The following ZNHIT6 variants were observed in gnomAD, a reference collection of about 807,000 sequenced individuals.
The protein encoded by ZNHIT6 is zinc finger HIT-type containing 6.
Under a neutral mutation model 57.2 loss-of-function variants are expected in ZNHIT6, and 45 were observed. The ratio of observed to expected loss-of-function variants is 0.79; its 90% CI spans 0.62 to 1.01. The LOEUF is 1.01. Ranked by LOEUF, ZNHIT6 falls within the 50% of genes least tolerant of loss-of-function variation. The pLI is 0.00. For synonymous variants in ZNHIT6, 188 were observed against 190.0 expected (o/e 0.99, Z 0.09); for missense variants, 528 against 567.3 (o/e 0.93, Z 0.70).
At chr1:85,664,483 C>T (rs1190771012) in intron 8 of ZNHIT6, among the ~76,000 whole-genome samples, 1 of 152,144 alleles carries the variant, frequency 6.6e-6, no homozygotes, top group African/African-American at 2.4e-5. Context: ...TGGATTGGGG[C>T]TTGCCATTCT....
At position 85,650,044 on chromosome 1, in the gene ZNHIT6, C is replaced by T. The variant is rs554796131; in HGVS notation, c.*4014G>A. On this transcript the variant is annotated 3_prime_UTR_variant, in exon 10 of 10. Transcript: ENST00000370574. ...CAGGGTGCAATGAATGTGTTACTTTCGTATTCCCAGTAACTACCTTTCCTC... is the reference window on the plus strand; with the variant it reads ...CAGGGTGCAATGAATGTGTTACTTTTGTATTCCCAGTAACTACCTTTCCTC... 3 of 152,178 alleles carry T rather than the reference C, an allele frequency of 2.0e-5. No homozygotes were observed. The highest frequency in any genetic ancestry group is 2.1e-4 in the South Asian group (1 of 4,834). 9.4% of individuals were successfully genotyped at this position (152,178 alleles called of 1,614,324 possible).
chr1:85,663,966 G>C (rs1661293953), intron 8 of ZNHIT6, among the ~76,000 whole-genome samples: 2 of 152,032 alleles, frequency 1.3e-5, no homozygotes, highest in Admixed American at 6.6e-5. Context: ...CTTCTCTCTA[G>C]CTGCTTTTCA....
chr1:85,699,950 C>T (rs115291454), intron 5 of ZNHIT6, among the ~76,000 whole-genome samples: 3,115 of 151,990 alleles, frequency 0.02, 110 homozygotes, highest in African/African-American at 0.07. Flanking sequence ...GAAAATCTAG[C>T]TGCAGGAAAA....
chr1:85,690,974 C>T (rs923812165), intron 5 of ZNHIT6, among the ~76,000 whole-genome samples: 7 of 152,064 alleles, frequency 4.6e-5, no homozygotes, highest in Non-Finnish European at 7.4e-5. Flanking sequence ...TGCAGTGAGC[C>T]GAGATCGTGC....
intron 5 of ZNHIT6, among the ~76,000 whole-genome samples, chr1:85,690,194 A>G (rs1662176890): frequency 6.6e-6 from 1 of 152,138 alleles, no homozygotes; most frequent in South Asian, 2.1e-4. Flanking sequence ...TCAGATATGG[A>G]TCACTCGTAC....
chr1:85,687,565 A>G (rs1662099200), intron 5 of ZNHIT6, among the ~76,000 whole-genome samples: 1 of 152,146 alleles, frequency 6.6e-6, no homozygotes, highest in African/African-American at 2.4e-5. Context: ...AAGGGCTTAC[A>G]GGGAGATTCA....
At chr1:85,672,676 G>A (rs1570299561) in intron 8 of ZNHIT6, among the ~76,000 whole-genome samples, 1 of 151,458 alleles carries the variant, frequency 6.6e-6, no homozygotes, top group Admixed American at 6.6e-5. Flanking sequence ...CAACAGAACT[G>A]TATTTTATTC....
intron 8 of ZNHIT6, among the ~76,000 whole-genome samples, chr1:85,670,928 C>T (rs1274587544): frequency 6.6e-6 from 1 of 152,186 alleles, no homozygotes; most frequent in Non-Finnish European, 1.5e-5. Context: ...CATTTGTTGA[C>T]TGCTTACTCG....
intron 8 of ZNHIT6, among the ~76,000 whole-genome samples, chr1:85,671,161 T>A (rs1661546696): frequency 6.6e-6 from 1 of 152,194 alleles, no homozygotes; most frequent in Admixed American, 6.5e-5. Context: ...GTTCCTGAAA[T>A]CTCTCATATT....
chr1:85,651,274 A>C lies in ZNHIT6; in HGVS notation c.*2784T>G, dbSNP rs1660900071. On this transcript the variant is annotated 3_prime_UTR_variant, in exon 10 of 10. Coordinates refer to ENST00000370574, the MANE Select transcript of ZNHIT6 (RefSeq NM_017953.4). The stretch of plus-strand genomic sequence containing the variant: ...GAGGCAGAGTCTCATTCTGTCACCC[A>C]GGCAGTGCCCAGGAATGCAGTGGAA... 2 of 151,820 alleles carry C rather than the reference A, an allele frequency of 1.3e-5. No individual in the cohort carries two copies. Among genetic ancestry groups the C allele is most frequent in the Non-Finnish European group, 2.9e-5 (2 of 67,982 alleles). 9.4% of individuals were successfully genotyped at this position (151,820 alleles called of 1,614,324 possible). A position where few individuals can be genotyped will look rare whatever the true frequency, so the allele number is the denominator to read the frequency against.
chr1:85,691,152 C>T (rs1273232625), intron 5 of ZNHIT6, among the ~76,000 whole-genome samples: 3 of 152,218 alleles, frequency 2.0e-5, no homozygotes, highest in South Asian at 4.1e-4. Flanking sequence ...ATTACTGTCT[C>T]CATCTTACAG....
At chr1:85,698,450 A>G (rs1775992) in intron 5 of ZNHIT6, among the ~76,000 whole-genome samples, 137,962 of 152,136 alleles carry the variant, frequency 0.91, 63,160 homozygotes, top group Non-Finnish European at 0.97. Context: ...CACTTCATAT[A>G]CGGGCTTTTA....
At chr1:85,693,110 T>C (rs1662264406) in intron 5 of ZNHIT6, among the ~76,000 whole-genome samples, 1 of 152,180 alleles carries the variant, frequency 6.6e-6, no homozygotes, top group Non-Finnish European at 1.5e-5. Flanking sequence ...AGAAGAATGG[T>C]AAGCAGAAGA....
Position 85,707,839 on chromosome 1 carries a change from CAG to C in ZNHIT6, c.444_445del (p.Asp148GlufsTer10). 6.2e-7 allele frequency: 1 copy of C among 1,614,098 alleles called. No individual in the cohort carries two copies. The highest frequency in any genetic ancestry group is 8.5e-7 in the Non-Finnish European group (1 of 1,180,030). On this transcript the variant is annotated frameshift_variant, in exon 1 of 10. Coordinates refer to ENST00000370574, the MANE Select transcript of ZNHIT6 (RefSeq NM_017953.4). LOFTEE classifies it high-confidence loss of function. ...ATCCTTCTCTTCCTTCACTTCTGAC[CAG>C]TCCATTACCTCTTCCTTTACCTTCT...
At chr1:85,692,038 G>A (rs142999954) in intron 5 of ZNHIT6, among the ~76,000 whole-genome samples, 159 of 152,228 alleles carry the variant, frequency 1.0e-3, no homozygotes, top group African/African-American at 3.4e-3. Context: ...GTTTGGTGGC[G>A]CGCACCTATA....
chr1:85,659,324 G>T (rs1661161692), intron 8 of ZNHIT6, among the ~76,000 whole-genome samples: 2 of 152,172 alleles, frequency 1.3e-5, no homozygotes, highest in South Asian at 4.1e-4. Flanking sequence ...CTCACTAGCG[G>T]GTACATATGA....
At chr1:85,700,783 C>T (rs982880114) in intron 5 of ZNHIT6, among the ~76,000 whole-genome samples, 3 of 152,186 alleles carry the variant, frequency 2.0e-5, no homozygotes, top group Non-Finnish European at 4.4e-5. Flanking sequence ...AAAGAATCAT[C>T]TCACATTTGA....
chr1:85,694,111 T>C (rs1490255800), intron 5 of ZNHIT6, among the ~76,000 whole-genome samples: 1 of 152,184 alleles, frequency 6.6e-6, no homozygotes, highest in African/African-American at 2.4e-5. Flanking sequence ...AAAGTCTTTC[T>C]GGGGTGATGG....
chr1:85,693,936 C>T (rs912963517), intron 5 of ZNHIT6, among the ~76,000 whole-genome samples: 1 of 152,082 alleles, frequency 6.6e-6, no homozygotes, highest in Admixed American at 6.6e-5. Flanking sequence ...CTGGGCAACA[C>T]AGCAAGATGC....
Sources: gnomAD v4.1 joint callset for allele counts (sites outside exome capture counted in the v4.1 genomes callset) on GRCh38, gnomAD v4.1.1 for gene constraint, MANE v1.5 for transcripts, NCBI Gene and HGNC (gene_info 2026-07-23, HGNC 2026-07-21) for gene names.